Variants in TRAPPC9 observed in about 807,000 individuals in gnomAD.
TRAPPC9 encodes the protein IKK2 binding protein.
In TRAPPC9, 83 loss-of-function variants were observed where a neutral mutation model predicts 124.0. That is an observed-to-expected ratio of 0.67 (90% CI 0.56 to 0.80). The LOEUF is 0.80. TRAPPC9 is among the 30% of genes least tolerant of loss of function. The probability of loss-of-function intolerance (pLI) is 0.00; values close to 1 mark genes in which losing one functional copy is unlikely to be tolerated. For missense variants in TRAPPC9, 1,302 were observed against 1,508.3 expected (o/e 0.86, Z 2.27); for synonymous variants, 638 against 617.5 (o/e 1.03, Z -0.49).
chr8:140,377,418 C>T (rs547816604), intron 7 of TRAPPC9, among the ~76,000 whole-genome samples: 1 of 152,314 alleles, frequency 6.6e-6, no homozygotes, highest in East Asian at 1.9e-4. Context: ...CCCGCCTCAG[C>T]CTCCTCAGGA....
intron 21 of TRAPPC9, among the ~76,000 whole-genome samples, chr8:139,782,366 C>G (rs540009745): frequency 6.6e-6 from 1 of 152,224 alleles, no homozygotes; most frequent in African/African-American, 2.4e-5. Flanking sequence ...GCCACAGGGG[C>G]CCCGCTCCCA....
intron 9 of TRAPPC9, among the ~76,000 whole-genome samples, chr8:140,334,875 G>C (rs1035736792): frequency 2.0e-5 from 3 of 151,980 alleles, no homozygotes; most frequent in African/African-American, 4.8e-5. Context: ...AGGAGGTGCA[G>C]AGGAATAAAT....
chr8:139,919,083 T>C (rs1832338120), intron 19 of TRAPPC9, among the ~76,000 whole-genome samples: 1 of 152,190 alleles, frequency 6.6e-6, no homozygotes, highest in Non-Finnish European at 1.5e-5. Flanking sequence ...CGCCCACCAC[T>C]GCTCTCGACT....
intron 21 of TRAPPC9, among the ~76,000 whole-genome samples, chr8:139,819,125 T>C (rs1825072045): frequency 6.6e-6 from 1 of 152,206 alleles, no homozygotes; most frequent in African/African-American, 2.4e-5. Flanking sequence ...AGATCAGCAG[T>C]GGCATTAAAT....
intron 7 of TRAPPC9, among the ~76,000 whole-genome samples, chr8:140,374,580 A>G (rs934294858): frequency 2.0e-5 from 3 of 152,128 alleles, no homozygotes; most frequent in African/African-American, 4.8e-5. Context: ...CAAAAAAAAA[A>G]AGAAAAGAAA....
At chr8:140,075,145 A>C (rs1403726337) in intron 17 of TRAPPC9, among the ~76,000 whole-genome samples, 2 of 152,170 alleles carry the variant, frequency 1.3e-5, no homozygotes, top group Non-Finnish European at 2.9e-5. Flanking sequence ...GCCCCAGAGC[A>C]GGTGACTCCA....
chr8:140,141,809 C>T (rs993970369), intron 17 of TRAPPC9, among the ~76,000 whole-genome samples: 3 of 152,168 alleles, frequency 2.0e-5, no homozygotes, highest in Non-Finnish European at 4.4e-5. Flanking sequence ...TACCTAGCTA[C>T]CTTTACTGTT....
chr8:140,069,744 G>A (rs571197376), intron 17 of TRAPPC9, among the ~76,000 whole-genome samples: 17 of 152,182 alleles, frequency 1.1e-4, no homozygotes, highest in Non-Finnish European at 2.4e-4. Flanking sequence ...CAATCCCTAG[G>A]TTCACCACAC....
chr8:139,755,242 G>C (rs1261659863), intron 21 of TRAPPC9, among the ~76,000 whole-genome samples: 1 of 152,270 alleles, frequency 6.6e-6, no homozygotes, highest in Non-Finnish European at 1.5e-5. Flanking sequence ...GGACAGACCT[G>C]TGGAGAAGCC....
chr8:140,143,758 TC>T (rs2061415251), intron 17 of TRAPPC9, among the ~76,000 whole-genome samples: 1 of 152,352 alleles, frequency 6.6e-6, no homozygotes, highest in Admixed American at 6.5e-5. Flanking sequence ...TAACCAAATG[TC>T]CCAGCATCTT....
At chr8:140,219,467 G>A (rs1468027849) in intron 17 of TRAPPC9, among the ~76,000 whole-genome samples, 1 of 152,192 alleles carries the variant, frequency 6.6e-6, no homozygotes, top group Non-Finnish European at 1.5e-5. Context: ...TATGCCAGGT[G>A]TCTGAGGGAC....
intron 17 of TRAPPC9, among the ~76,000 whole-genome samples, chr8:140,125,376 A>G (rs1210155792): frequency 1.3e-5 from 2 of 152,184 alleles, no homozygotes; most frequent in Admixed American, 6.5e-5. Context: ...CTAGTCACTG[A>G]CACAGAGCAG....
chr8:139,735,666 T>TG lies in TRAPPC9; in HGVS notation c.3056-3465_3056-3464insC, dbSNP rs200345076. Among the ~76,000 whole-genome samples the TG allele has an allele frequency of 4.8e-3, 705 of 146,196 alleles. 9 individuals are homozygous for TG. The highest frequency in any genetic ancestry group is 0.016 in the African/African-American group (632 of 39,122). On this transcript the variant is annotated intron_variant, in intron 21 of 22. Transcript: ENST00000438773. ...CAGTACCACCCTGCCCTGTTTTTTT[T>TG]TTTTGTTTTGTTTTGTTTTTTTGCA... is the stretch of plus-strand genomic sequence containing the variant.
At chr8:140,414,243 T>G (rs115031339) in intron 5 of TRAPPC9, among the ~76,000 whole-genome samples, 112 of 151,916 alleles carry the variant, frequency 7.4e-4, no homozygotes, top group African/African-American at 2.6e-3. Flanking sequence ...AAAATAAAAA[T>G]AAAAAGAAGG....
chr8:139,921,484 A>G (rs936481974), intron 19 of TRAPPC9, among the ~76,000 whole-genome samples: 1 of 152,184 alleles, frequency 6.6e-6, no homozygotes. Flanking sequence ...AAGTGCTACG[A>G]TACAGAACTT....
chr8:139,865,499 G>C (rs1331522663), intron 21 of TRAPPC9, among the ~76,000 whole-genome samples: 7 of 152,186 alleles, frequency 4.6e-5, no homozygotes. Context: ...GCCACCCCTG[G>C]GATGGGAGCA....
chr8:139,917,601 C>T (rs749435448), intron 19 of TRAPPC9, among the ~76,000 whole-genome samples: 1 of 152,232 alleles, frequency 6.6e-6, no homozygotes, highest in South Asian at 2.1e-4. Flanking sequence ...CCCCGTCCCC[C>T]GGGCCTGCTG....
At chr8:140,376,514 C>T (rs117732071) in intron 7 of TRAPPC9, among the ~76,000 whole-genome samples, 4,813 of 144,326 alleles carry the variant, frequency 0.033, 102 homozygotes, top group Non-Finnish European at 0.045. Flanking sequence ...CGGGATTGCG[C>T]CACTGCACTC....
chr8:140,023,335 T>A (rs528367264), intron 18 of TRAPPC9, among the ~76,000 whole-genome samples: 3 of 152,242 alleles, frequency 2.0e-5, no homozygotes, highest in Non-Finnish European at 4.4e-5. Context: ...CAGAAAAGAA[T>A]ACCCTGAGTA....
Sources: allele counts gnomAD v4.1 joint callset (sites outside exome capture counted in the v4.1 genomes callset), GRCh38; gene constraint gnomAD v4.1.1; transcripts MANE v1.5; gene names NCBI Gene and HGNC (gene_info 2026-07-23, HGNC 2026-07-21).